Variants in CEP152 observed in about 807,000 individuals in gnomAD.
CEP152 encodes the protein centrosomal protein 152.
In CEP152, 132 loss-of-function variants were observed where a neutral mutation model predicts 188.9. The observed-to-expected ratio is 0.70, with a 90% confidence interval of 0.61 to 0.81. CEP152 has a LOEUF of 0.81. Ranked by LOEUF, CEP152 falls within the 30% of genes least tolerant of loss-of-function variation. The pLI, the probability that CEP152 is intolerant of heterozygous loss-of-function variation, is 0.00. For synonymous variants in CEP152, 649 were observed against 666.6 expected, an observed-to-expected ratio of 0.97 and a Z score of 0.41; for missense variants, 1,914 against 1,969.8, an observed-to-expected ratio of 0.97 and a Z score of 0.54.
At chr15:48,736,495 T>C (rs1394954518), downstream of CEP152, among the ~76,000 whole-genome samples, 1 of 152,234 alleles carries the variant, frequency 6.6e-6, no homozygotes, top group Non-Finnish European at 1.5e-5. Context: ...TGCCTCCCTT[T>C]TGTTCTGCCA....
chr15:48,796,244 G>T, intron 5 of CEP152, 84 bp from the exon 6 acceptor site: 1 of 1,453,232 alleles, frequency 6.9e-7, no homozygotes, highest in Non-Finnish European at 9.5e-7. Context: ...TTAATGTTAC[G>T]TTACAGAACT....
intron 12 of CEP152, among the ~76,000 whole-genome samples, chr15:48,774,336 T>C (rs1422682190): frequency 1.3e-5 from 2 of 151,984 alleles, no homozygotes; most frequent in African/African-American, 4.8e-5. Context: ...CCTAATTTGA[T>C]GAAAATGAAA....
At chr15:48,732,207 C>T (rs184727800) in intron 2 of CEP152, among the ~76,000 whole-genome samples, 18 of 152,314 alleles carry the variant, frequency 1.2e-4, no homozygotes, top group Non-Finnish European at 2.6e-4. Context: ...GATTATGAAT[C>T]AATCTGCTAT....
In CEP152 at chr15:48,756,226, G is replaced by T. The variant is rs1054434594; in HGVS notation, c.3022C>A (p.Leu1008Ile). 5 of 1,611,050 alleles carry T rather than the reference G, an allele frequency of 3.1e-6. No homozygotes were observed. In the South Asian group the frequency reaches 3.3e-5, roughly 11 times the overall value. ...KEDFMKQKTE[L>I]LLQKETELQT... ...AATTCTGTCTCCTTCTGAAGAAGTAGTTCAGTTTTTTGTTTCATAAAGTCT... is the reference window on the plus strand; with the variant it reads ...AATTCTGTCTCCTTCTGAAGAAGTATTTCAGTTTTTTGTTTCATAAAGTCT... Residue 1008 changes from leucine (L) to isoleucine (I), a missense_variant, in exon 20 of 27, where the codon CTA becomes ATA. Transcript: ENST00000380950.
Position 48,791,514 on chromosome 15 carries a change from G to T in CEP152, c.833-138C>A, listed in dbSNP as rs1032321554. On this transcript the variant is annotated intron_variant, in intron 7 of 26. Coordinates refer to ENST00000380950, the MANE Select transcript of CEP152 (RefSeq NM_001194998.2). ...TAATTCAGAAAAATGAACTTTAGTT[G>T]ATTTAGAGAAAACTAAATAAAGAAT... is the stretch of plus-strand genomic sequence containing the variant. The T allele has an allele frequency of 1.0e-5, 8 of 773,696 alleles. No individual in the cohort carries two copies. The African/African-American group carries it at 1.1e-4, about 10-fold the overall frequency. 47.9% of individuals were successfully genotyped at this position (773,696 alleles called of 1,614,324 possible). A position where few individuals can be genotyped will look rare whatever the true frequency, so the allele number is the denominator to read the frequency against.
At chr15:48,794,270 GAAA>G (rs1897162524) in intron 6 of CEP152, among the ~76,000 whole-genome samples, 2 of 151,892 alleles carry the variant, frequency 1.3e-5, no homozygotes, top group East Asian at 3.8e-4. Context: ...AAAAAAAATG[GAAA>G]AAAGGATTGG....
chr15:48,732,228 G>A (rs549027004), intron 2 of CEP152, among the ~76,000 whole-genome samples: 1 of 152,314 alleles, frequency 6.6e-6, no homozygotes, highest in African/African-American at 2.4e-5. Flanking sequence ...AAATACACAT[G>A]CACACGTATG....
At chr15:48,810,764 A>G (rs1443386170) in intron 1 of CEP152, 197 bp downstream of exon 1, 1 of 152,342 alleles carries the variant, frequency 6.6e-6, no homozygotes, top group African/African-American at 2.4e-5. Context: ...GTCACTTCTA[A>G]GTAGGATATT....
intron 7 of CEP152, among the ~76,000 whole-genome samples, chr15:48,792,268 G>C (rs1281912502): frequency 6.6e-6 from 1 of 152,160 alleles, no homozygotes; most frequent in Non-Finnish European, 1.5e-5. Context: ...GGGATTACAG[G>C]AGTGAGCCAC....
intron 12 of CEP152, among the ~76,000 whole-genome samples, chr15:48,777,466 T>TTTTGTGTGTG (rs1006907534): frequency 6.8e-5 from 10 of 147,354 alleles, no homozygotes; most frequent in Admixed American, 5.4e-4. Context: ...TCTTAGAATA[T>TTTTGTGTGTG]TGTGTGTGTG....
In CEP152 at chr15:48,788,914, G is replaced by T. The variant is rs759917227; in HGVS notation, c.1060C>A (p.Arg354=). ...VDLHHSESLQ[R]AREQHESIVM... is the part of the protein sequence containing the mutation. ...ATGCTCTCATGCTGTTCTCTAGCTC[G>T]TTGAAGTGATTCAGAATGATGAAGG... Residue 354 remains arginine (R), a synonymous_variant, in exon 9 of 27, where the codon CGA becomes AGA. Coordinates refer to ENST00000380950, the MANE Select transcript of CEP152 (RefSeq NM_001194998.2). The T allele has an allele frequency of 1.8e-5, 29 of 1,613,920 alleles. No homozygotes were observed. The highest frequency in any genetic ancestry group is 2.4e-5 in the Non-Finnish European group (28 of 1,179,994).
chr15:48,805,735 C>T, intron 1 of CEP152, 79 bp from the exon 2 acceptor site: 1 of 1,581,586 alleles, frequency 6.3e-7, no homozygotes, highest in Non-Finnish European at 8.6e-7. Flanking sequence ...AGATGCCATA[C>T]ATACACAAAG....
Position 48,756,544 on chromosome 15 carries a change from C to T in CEP152, c.2704G>A (p.Ala902Thr), listed in dbSNP as rs1894288430. The T allele has an allele frequency of 1.3e-5, 21 of 1,605,076 alleles. No homozygotes were observed. Among genetic ancestry groups the T allele is most frequent in the Non-Finnish European group, 1.6e-5 (19 of 1,179,716 alleles). ...EVSVNKRISF[A>T]VSEAKEKWKS... ...CATTTCTCTTTAGCTTCAGAAACAG[C>T]AAATGATATCTAAAGAACATAACAA... Residue 902 changes from alanine (A) to threonine (T), a missense_variant, in exon 20 of 27, where the codon GCT (alanine) becomes ACT (threonine). Physicochemically the swap from Ala to Thr is moderately conservative, Grantham distance 58. Coordinates refer to ENST00000380950, the MANE Select transcript of CEP152 (RefSeq NM_001194998.2).
intron 3 of CEP152, 32 bp from the exon 4 acceptor site, chr15:48,797,762 C>G: frequency 6.2e-7 from 1 of 1,607,742 alleles, no homozygotes; most frequent in East Asian, 2.2e-5. Context: ...CGATTTAAAG[C>G]GTATCATTTA....
chr15:48,781,450 C>A, intron 11 of CEP152, 91 bp from the exon 12 acceptor site: 3 of 1,028,006 alleles, frequency 2.9e-6, no homozygotes, highest in South Asian at 2.8e-5. Context: ...TAATGATCAA[C>A]AGGAGGCAAA....
chr15:48,752,163 TAGA>T (rs1893919151), intron 21 of CEP152, among the ~76,000 whole-genome samples, 183 bp downstream of exon 21: 1 of 152,152 alleles, frequency 6.6e-6, no homozygotes, highest in African/African-American at 2.4e-5. Flanking sequence ...AAACCATAAA[TAGA>T]AGAAGAGGGC....
chr15:48,807,680 C>G (rs1243359477), intron 1 of CEP152, among the ~76,000 whole-genome samples: 1 of 151,992 alleles, frequency 6.6e-6, no homozygotes, highest in Non-Finnish European at 1.5e-5. Context: ...TTCTTTCATT[C>G]AAATATAAAT....
At chr15:48,734,569 C>T (rs1892534439), downstream of CEP152, among the ~76,000 whole-genome samples, 1 of 149,810 alleles carries the variant, frequency 6.7e-6, no homozygotes, top group Non-Finnish European at 1.5e-5. Flanking sequence ...CTAAAAACTC[C>T]AATCAAAGCT....
intron 21 of CEP152, among the ~76,000 whole-genome samples, chr15:48,750,403 G>T (rs1011283162): frequency 1.3e-5 from 2 of 152,032 alleles, no homozygotes; most frequent in African/African-American, 4.8e-5. Context: ...CAGGCTCAGG[G>T]GCCAAAATGT....
Sources: allele counts gnomAD v4.1 joint callset (sites outside exome capture counted in the v4.1 genomes callset), GRCh38; gene constraint gnomAD v4.1.1; transcripts MANE v1.5; gene names NCBI Gene and HGNC (gene_info 2026-07-23, HGNC 2026-07-21).